Variants in EXOC1 observed in about 807,000 individuals in gnomAD.
EXOC1 encodes SEC3-like 1.
In EXOC1, 67 loss-of-function variants were observed where a neutral mutation model predicts 107.7. That is an observed-to-expected ratio of 0.62 (90% CI 0.51 to 0.76). EXOC1 has a LOEUF of 0.76. Among genes scored for constraint, EXOC1 ranks in the 30% least tolerant of loss-of-function variants. EXOC1 has a pLI of 0.00. For missense variants in EXOC1, 833 were observed against 1,055.7 expected (o/e 0.79, Z 2.92); for synonymous variants, 348 against 353.5 (o/e 0.98, Z 0.17).
chr4:55,860,289 A>G, intron 2 of EXOC1, 122 bp from the exon 3 acceptor site: 1 of 1,214,388 alleles, frequency 8.2e-7, no homozygotes, highest in Non-Finnish European at 1.1e-6. Context: ...CACTTGTTGC[A>G]AAGTATTACA....
rs1721109562 is a variant in EXOC1 at position 55,857,490 on chromosome 4, C to T, written c.-10-824C>T. Reference sequence around the variant, plus strand: ...CCCGGCCCTTTGTTTTTTTTGCAGCCGAATAATAATCCATTGTATGGATAT... The same window carrying T: ...CCCGGCCCTTTGTTTTTTTTGCAGCTGAATAATAATCCATTGTATGGATAT... On this transcript the variant is annotated intron_variant, in intron 1 of 18. Coordinates refer to ENST00000381295, the MANE Select transcript of EXOC1 (RefSeq NM_001024924.2). Among the ~76,000 whole-genome samples the T allele has an allele frequency of 3.3e-5, 5 of 152,034 alleles. No homozygotes were observed. The South Asian group carries it at 8.3e-4, about 25-fold the overall frequency.
At chr4:55,895,643 A>G (rs192869305) in intron 15 of EXOC1, among the ~76,000 whole-genome samples, 9 of 152,312 alleles carry the variant, frequency 5.9e-5, no homozygotes, top group African/African-American at 2.2e-4. Flanking sequence ...AATAATACAA[A>G]AGTATTTGGC....
chr4:55,877,413 G>A (rs1723000063), intron 8 of EXOC1: 1 of 985,248 alleles, frequency 1.0e-6, no homozygotes, highest in African/African-American at 1.7e-5. Flanking sequence ...ACAGAAGTAA[G>A]ACTCAGATGA....
intron 5 of EXOC1, among the ~76,000 whole-genome samples, chr4:55,870,014 A>G (rs942683069): frequency 6.6e-6 from 1 of 152,156 alleles, no homozygotes; most frequent in Admixed American, 6.5e-5. Context: ...CATTTAGAAA[A>G]TAGTGATAAG....
chr4:55,866,891 A>C (rs1560334036), intron 4 of EXOC1: 2 of 985,228 alleles, frequency 2.0e-6, no homozygotes, highest in East Asian at 2.3e-4. Flanking sequence ...AAGTTACAGA[A>C]GGTGCGTAAC....
At chr4:55,900,489 A>AT (rs1286090145) in intron 17 of EXOC1, 2 of 151,932 alleles carry the variant, frequency 1.3e-5, no homozygotes, top group Admixed American at 1.3e-4. Flanking sequence ...AGAAATGATG[A>AT]TTTTAGGGAA....
In EXOC1 at chr4:55,858,314, C is replaced by T. The variant is rs774592831; in HGVS notation, c.-10C>T. ...AATATCTATACTCCACATTTTTCAG[C>T]TGAGAAAAGATGACAGCAATCAAGC... On this transcript the variant is annotated splice_region_variant and 5_prime_UTR_variant, in exon 2 of 19. Coordinates refer to ENST00000381295, the MANE Select transcript of EXOC1 (RefSeq NM_001024924.2). 1.3e-6 allele frequency: 2 copies of T among 1,600,002 alleles called. No homozygotes were observed. Among genetic ancestry groups the T allele is most frequent in the Non-Finnish European group, 1.7e-6 (2 of 1,174,226 alleles).
At chr4:55,875,393 C>T in intron 8 of EXOC1, 1 of 963,316 alleles carries the variant, frequency 1.0e-6, no homozygotes, top group Non-Finnish European at 1.2e-6. Context: ...AGTAAGTATG[C>T]CATAACAGAA....
intron 5 of EXOC1, 166 bp downstream of exon 5, chr4:55,868,689 A>G (rs1577705833): frequency 2.0e-6 from 1 of 509,534 alleles, no homozygotes; most frequent in East Asian, 3.4e-5. Context: ...GTTCTTGTTC[A>G]AAAGATGAAC....
intron 1 of EXOC1, among the ~76,000 whole-genome samples, chr4:55,857,468 G>A (rs939548361): frequency 1.2e-4 from 18 of 151,924 alleles, no homozygotes; most frequent in Non-Finnish European, 2.4e-4. Context: ...GCCCGTGCCC[G>A]GCCCTTTGTT....
intron 1 of EXOC1, among the ~76,000 whole-genome samples, 154 bp from the exon 2 acceptor site, chr4:55,858,160 A>T (rs1721166520): frequency 6.6e-6 from 1 of 152,232 alleles, no homozygotes; most frequent in South Asian, 2.1e-4. Flanking sequence ...TTCCAAACTT[A>T]CAGCTTTGTA....
chr4:55,868,359 C>A lies in EXOC1; in HGVS notation c.439C>A (p.Gln147Lys). 6.2e-7 allele frequency: 1 copy of A among 1,611,516 alleles called. No individual in the cohort carries two copies. Among genetic ancestry groups the A allele is most frequent in the South Asian group, 1.1e-5 (1 of 90,844 alleles). The change falls in exon 5 of 19, where the codon CAG becomes AAG. Residue 147 changes from glutamine to lysine, a missense_variant. This residue lies in a region of EXOC1 where 617 missense variants were observed against 701.3 expected (regional missense o/e 0.88). Transcript: ENST00000381295. The stretch of plus-strand genomic sequence containing the variant: ...AGAATCTGTTCCAAGTGGAGAAAAT[C>A]AGAGTGTGACAGGAGGTGATGAAGA... ...LEESVPSGENQSVTGGDEEVV... is the reference protein window; with the variant it reads ...LEESVPSGENKSVTGGDEEVV...
intron 3 of EXOC1, among the ~76,000 whole-genome samples, chr4:55,861,693 G>A (rs577357299): frequency 7.0e-4 from 107 of 152,222 alleles, no homozygotes; most frequent in Non-Finnish European, 1.4e-3. Flanking sequence ...AATGTGAAAT[G>A]TAGAAACAGG....
Position 55,892,671 on chromosome 4 carries a change from C to A in EXOC1, c.1684C>A (p.Arg562=), listed in dbSNP as rs758394920. 39 of 1,613,904 alleles carry A rather than the reference C, an allele frequency of 2.4e-5. No individual in the cohort carries two copies. Among genetic ancestry groups the A allele is most frequent in the Non-Finnish European group, 3.2e-5 (38 of 1,179,970 alleles). ...GGACCTGGATGGAGGAACATTATCA[C>A]GGCAACATAATTGTGGCACACCACT... is the stretch of plus-strand genomic sequence containing the variant. ...AEDLDGGTLS[R]QHNCGTPLPV... Residue 562 remains arginine (R), a synonymous_variant, in exon 14 of 19, where the codon CGG becomes AGG. Coordinates refer to ENST00000381295, the MANE Select transcript of EXOC1 (RefSeq NM_001024924.2).
chr4:55,871,562 C>T (rs542895316), intron 7 of EXOC1, among the ~76,000 whole-genome samples: 6 of 152,240 alleles, frequency 3.9e-5, no homozygotes, highest in African/African-American at 1.4e-4. Context: ...CCCTAGAGGT[C>T]TTGTTAAAAA....
At chr4:55,875,838 G>T (rs1349623849) in intron 8 of EXOC1, 3 of 967,798 alleles carry the variant, frequency 3.1e-6, no homozygotes, top group African/African-American at 3.5e-5. Context: ...GCTGAAGTGG[G>T]CCAATAACTT....
intron 3 of EXOC1, among the ~76,000 whole-genome samples, chr4:55,863,919 C>G (rs528874279): frequency 6.6e-6 from 1 of 152,128 alleles, no homozygotes; most frequent in South Asian, 2.1e-4. Flanking sequence ...AGCTAGAGAC[C>G]ATTGTCATCT....
rs543757379 is a variant in EXOC1 at position 55,887,187 on chromosome 4, C to A, written c.1331-1701C>A. 8.7e-4 allele frequency among the ~76,000 whole-genome samples: 106 copies of A among 121,858 alleles called. 2 individuals carry two copies. The highest frequency in any genetic ancestry group is 3.3e-3 in the African/African-American group (106 of 32,558). 79.9% of individuals were successfully genotyped at this position (121,858 alleles called of 152,430 possible). On this transcript the variant is annotated intron_variant, in intron 10 of 18. Coordinates refer to ENST00000381295, the MANE Select transcript of EXOC1 (RefSeq NM_001024924.2). Reference sequence around the variant, plus strand: ...ATATATATATCACCTCTCATTAGTCCCTTAATACATACATTTACATAATCA... The same window carrying A: ...ATATATATATCACCTCTCATTAGTCACTTAATACATACATTTACATAATCA...
rs558412325 is a variant in EXOC1, at chr4:55,856,724, TAGAG to T, written c.-10-1588_-10-1585del. 3.0e-3 allele frequency among the ~76,000 whole-genome samples: 456 copies of T among 152,234 alleles called. 3 individuals are homozygous for T. The highest frequency in any genetic ancestry group is 5.1e-3 in the Non-Finnish European group (348 of 68,008). ...ACAAATATGTATATGAAAAATAAAA[TAGAG>T]ATTTAAAATTATTTTAAGTTGATGT... On this transcript the variant is annotated intron_variant, in intron 1 of 18. Coordinates refer to ENST00000381295, the MANE Select transcript of EXOC1 (RefSeq NM_001024924.2).
Sources: gnomAD v4.1 joint callset for allele counts (sites outside exome capture counted in the v4.1 genomes callset) on GRCh38, gnomAD v4.1.1 for gene constraint, gnomAD v4.1.1 regional missense constraint, MANE v1.5 for transcripts, NCBI Gene and HGNC (gene_info 2026-07-23, HGNC 2026-07-21) for gene names.